The following DAGLB variants were observed in gnomAD, a reference collection of about 807,000 sequenced individuals.
DAGLB encodes diacylglycerol lipase beta.
In DAGLB, 66 loss-of-function variants were observed where a neutral mutation model predicts 72.1. The observed-to-expected ratio is 0.92, with a 90% confidence interval of 0.75 to 1.12. DAGLB has a LOEUF of 1.12. DAGLB is among the 50% of genes most tolerant of loss of function. The pLI is 0.00. For missense variants in DAGLB, 1,065 were observed against 884.9 expected (o/e 1.20, Z -2.58); for synonymous variants, 414 against 359.5 (o/e 1.15, Z -1.71).
intron 13 of DAGLB, 92 bp from the exon 14 acceptor site, chr7:6,410,472 C>G: frequency 4.0e-6 from 6 of 1,504,596 alleles, no homozygotes; most frequent in Non-Finnish European, 5.3e-6. Context: ...GCACAGGAAT[C>G]TGCCCTTTGA....
At chr7:6,439,940 T>A (rs1249090001) in intron 2 of DAGLB, among the ~76,000 whole-genome samples, 1 of 150,148 alleles carries the variant, frequency 6.7e-6, no homozygotes, top group Non-Finnish European at 1.5e-5. Context: ...TAATCCCAGC[T>A]ACTCGGGAGG....
At chr7:6,418,899 C>G (rs192825020) in intron 9 of DAGLB, among the ~76,000 whole-genome samples, 4 of 151,994 alleles carry the variant, frequency 2.6e-5, no homozygotes, top group Admixed American at 2.6e-4. Context: ...CTCCTGACCT[C>G]GTGATCCACC....
At chr7:6,429,632 G>A (rs1166459569) in intron 6 of DAGLB, among the ~76,000 whole-genome samples, 1 of 152,018 alleles carries the variant, frequency 6.6e-6, no homozygotes, top group Non-Finnish European at 1.5e-5. Flanking sequence ...ACCGGGCCTG[G>A]TGGCTGACGC....
chr7:6,421,951 T>G (rs1282770689), intron 8 of DAGLB, 147 bp from the exon 9 acceptor site: 2 of 892,720 alleles, frequency 2.2e-6, no homozygotes, highest in Non-Finnish European at 3.5e-6. Context: ...AACCCTAAAC[T>G]AAAGAGGGAA....
At chr7:6,412,590 TC>T (rs907033896) in intron 13 of DAGLB, 1 of 587,176 alleles carries the variant, frequency 1.7e-6, no homozygotes, top group African/African-American at 1.9e-5. Context: ...CCAGCCCAGA[TC>T]CTGTTTCCTC....
intron 8 of DAGLB, among the ~76,000 whole-genome samples, chr7:6,423,898 C>T (rs184085884): frequency 3.6e-4 from 55 of 152,178 alleles, no homozygotes; most frequent in African/African-American, 1.2e-3. Context: ...AATGGGGGGA[C>T]GATGGCAGAG....
chr7:6,443,397 T>C (rs1321463061), intron 2 of DAGLB, among the ~76,000 whole-genome samples: 1 of 151,960 alleles, frequency 6.6e-6, no homozygotes, highest in East Asian at 1.9e-4. Context: ...TTGGTTGCAG[T>C]GAGCTGAGAT....
intron 2 of DAGLB, 103 bp from the exon 3 acceptor site, chr7:6,436,636 G>C (rs1784667945): frequency 7.0e-7 from 1 of 1,422,166 alleles, no homozygotes; most frequent in African/African-American, 1.4e-5. Flanking sequence ...TTTGTACTGT[G>C]CACACCCGCC....
At chr7:6,411,442 TA>T (rs1446907778) in intron 13 of DAGLB, among the ~76,000 whole-genome samples, 3 of 152,150 alleles carry the variant, frequency 2.0e-5, no homozygotes, top group Non-Finnish European at 4.4e-5. Flanking sequence ...GGCAACATGG[TA>T]AGACCCTGTC....
chr7:6,440,013 C>A (rs1784777762), intron 2 of DAGLB, among the ~76,000 whole-genome samples: 1 of 144,622 alleles, frequency 6.9e-6, no homozygotes, highest in Non-Finnish European at 1.5e-5. Flanking sequence ...GATCACGCCA[C>A]TGCACTCCAG....
intron 13 of DAGLB, 89 bp from the exon 14 acceptor site, chr7:6,410,469 A>G (rs1023542351): frequency 1.3e-6 from 2 of 1,507,470 alleles, no homozygotes; most frequent in Non-Finnish European, 1.8e-6. Flanking sequence ...CAGGCACAGG[A>G]ATCTGCCCTT....
Position 6,410,445 on chromosome 7 carries a change from A to G in DAGLB, c.1570-65T>C. 4 of 1,534,030 alleles carry G rather than the reference A, an allele frequency of 2.6e-6. No individual in the cohort carries two copies. In the South Asian group the frequency reaches 3.8e-5, roughly 15 times the overall value. ...CCTCTGTCACCCGAGACCTCCCGAAACACCAAGGCGGACCAGGCACAGGAA... is the reference window on the plus strand; with the variant it reads ...CCTCTGTCACCCGAGACCTCCCGAAGCACCAAGGCGGACCAGGCACAGGAA... On this transcript the variant is annotated intron_variant, in intron 13 of 14. Coordinates refer to ENST00000297056, the MANE Select transcript of DAGLB (RefSeq NM_139179.4).
chr7:6,424,609 C>G, intron 8 of DAGLB, 143 bp downstream of exon 8: 1 of 746,492 alleles, frequency 1.3e-6, no homozygotes, highest in Non-Finnish European at 2.3e-6. Context: ...ATTTCCCAAC[C>G]CCAGGCTCAC....
At position 6,446,081 on chromosome 7, in the gene DAGLB, TACA is replaced by T. The variant is rs766711701; in HGVS notation, c.116_118del (p.Leu39del). 16 of 1,585,170 alleles carry T rather than the reference TACA, an allele frequency of 1.0e-5. No individual in the cohort carries two copies. Among genetic ancestry groups the T allele is most frequent in the Non-Finnish European group, 3.4e-6 (4 of 1,170,392 alleles). ...GTCCAGCTTTCCTCTGTGCATGAGA[TACA>T]ACGTCAGAATGCCAATCCACCTGGC... is the stretch of plus-strand genomic sequence containing the variant. On this transcript the variant is annotated inframe_deletion, in exon 2 of 15. Coordinates refer to ENST00000297056, the MANE Select transcript of DAGLB (RefSeq NM_139179.4).
chr7:6,442,748 G>A (rs992378235), intron 2 of DAGLB, among the ~76,000 whole-genome samples: 1 of 152,098 alleles, frequency 6.6e-6, no homozygotes, highest in Non-Finnish European at 1.5e-5. Flanking sequence ...TGTTTCTAGA[G>A]GCATACTAAA....
chr7:6,421,744 C>G lies in DAGLB; in HGVS notation c.1201G>C (p.Asp401His). The change falls in exon 9 of 15, where the codon GAC becomes CAC. Residue 401 changes from aspartate to histidine, a missense_variant. Asp to His is a moderately conservative substitution (Grantham distance 81, BLOSUM62 -1). Transcript: ENST00000297056. ...GCTCATACCTTGTGTGCCAGGCGGT[C>G]CTGCACCTCACACTCCACGTCCAGC... ...EVLDVECEVQ[D>H]RLAHKGISQA... The G allele has an allele frequency of 6.2e-7, 1 of 1,612,526 alleles. No individual in the cohort carries two copies. The highest frequency in any genetic ancestry group is 8.5e-7 in the Non-Finnish European group (1 of 1,179,036).
chr7:6,421,677 TTC>T (rs756952943), intron 9 of DAGLB, 48 bp downstream of exon 9: 2 of 1,560,508 alleles, frequency 1.3e-6, no homozygotes, highest in Non-Finnish European at 1.7e-6. Flanking sequence ...GGCACCCATC[TTC>T]TGTGTGGTCA....
intron 6 of DAGLB, among the ~76,000 whole-genome samples, chr7:6,429,329 T>A (rs912284690): frequency 2.6e-5 from 4 of 151,842 alleles, no homozygotes; most frequent in South Asian, 4.1e-4. Context: ...CTACAAAATA[T>A]CTGCACTGTC....
intron 6 of DAGLB, among the ~76,000 whole-genome samples, chr7:6,426,722 G>A (rs1442696053): frequency 6.6e-6 from 1 of 152,212 alleles, no homozygotes; most frequent in Non-Finnish European, 1.5e-5. Context: ...AGCAGGTAAA[G>A]CAAACCTGTC....
Sources: gnomAD v4.1 joint callset for allele counts (sites outside exome capture counted in the v4.1 genomes callset) on GRCh38, gnomAD v4.1.1 for gene constraint, MANE v1.5 for transcripts, NCBI Gene and HGNC (gene_info 2026-07-23, HGNC 2026-07-21) for gene names.